The following RGS6 variants were observed in gnomAD, a reference collection of about 807,000 sequenced individuals.
RGS6 encodes regulator of G-protein signaling 6.
RGS6 carries 30 observed loss-of-function variants against 78.5 expected under a neutral mutation model. The observed-to-expected ratio is 0.38, with a 90% CI of 0.29 to 0.52. The LOEUF is 0.52. Among genes scored for constraint, RGS6 ranks in the 20% least tolerant of loss-of-function variants. The pLI, the probability that RGS6 is intolerant of heterozygous loss-of-function variation, is 0.85. For synonymous variants in RGS6, 206 were observed against 206.0 expected (o/e 1.00, Z 0.00); for missense variants, 495 against 609.7 (o/e 0.81, Z 1.98).
chr14:72,207,591 T>G lies in RGS6; in HGVS notation c.85-144504T>G, dbSNP rs138492289. Reference sequence around the variant, plus strand: ...CTCACTTTCCAGTTCATGTTTCCTCTGGCACATCTTTGGCCAACACCTTTA... The same window carrying G: ...CTCACTTTCCAGTTCATGTTTCCTCGGGCACATCTTTGGCCAACACCTTTA... On this transcript the variant is annotated intron_variant, in intron 2 of 17. Coordinates refer to ENST00000553525, the MANE Select transcript of RGS6 (RefSeq NM_001204424.2). Among the ~76,000 whole-genome samples the G allele has an allele frequency of 3.5e-3, 534 of 152,356 alleles. 4 individuals are homozygous for G. Among genetic ancestry groups the G allele is most frequent in the African/African-American group, 0.012 (519 of 41,586 alleles).
intron 2 of RGS6, among the ~76,000 whole-genome samples, chr14:72,012,320 G>A (rs1030820963): frequency 6.6e-6 from 1 of 152,072 alleles, no homozygotes; most frequent in African/African-American, 2.4e-5. Context: ...TATACACATA[G>A]ACATGATTTT....
At chr14:71,934,860 A>T (rs1488002820) in intron 1 of RGS6, among the ~76,000 whole-genome samples, 1 of 152,204 alleles carries the variant, frequency 6.6e-6, no homozygotes, top group African/African-American at 2.4e-5. Context: ...CTTTGCCAGG[A>T]ATTGCTGAAC....
chr14:71,925,080 T>C, the RGS6 span, among the ~76,000 whole-genome samples: 1 of 152,218 alleles, frequency 6.6e-6, no homozygotes, highest in African/African-American at 2.4e-5. Flanking sequence ...ACACTTGTTA[T>C]GTTTTGTCTT....
intron 2 of RGS6, among the ~76,000 whole-genome samples, chr14:71,970,010 T>C (rs2093712644): frequency 6.6e-6 from 1 of 152,214 alleles, no homozygotes; most frequent in Non-Finnish European, 1.5e-5. Flanking sequence ...AGTCAGGCAT[T>C]AGAATAAAAA....
intron 2 of RGS6, among the ~76,000 whole-genome samples, chr14:72,291,521 G>C (rs2063571356): frequency 6.6e-6 from 1 of 152,118 alleles, no homozygotes; most frequent in Non-Finnish European, 1.5e-5. Context: ...CTCTTCAAGG[G>C]CTTGATCTCT....
chr14:72,380,284 C>A (rs2085735528), intron 3 of RGS6, among the ~76,000 whole-genome samples: 1 of 151,944 alleles, frequency 6.6e-6, no homozygotes, highest in South Asian at 2.1e-4. Flanking sequence ...AATAAGACCC[C>A]ACTGGCACAG....
chr14:71,955,559 C>T (rs918324207), intron 1 of RGS6, among the ~76,000 whole-genome samples: 1 of 152,110 alleles, frequency 6.6e-6, no homozygotes, highest in African/African-American at 2.4e-5. Flanking sequence ...GTGGATTATT[C>T]TTGACTCCCC....
chr14:72,071,168 T>C lies in RGS6; in HGVS notation c.84+106293T>C, dbSNP rs1387704707. Among the ~76,000 whole-genome samples, 4 of 152,234 alleles carry C rather than the reference T, an allele frequency of 2.6e-5. No individual in the cohort carries two copies. In the East Asian group the frequency reaches 7.7e-4, roughly 29 times the overall value. On this transcript the variant is annotated intron_variant, in intron 2 of 17. Coordinates refer to ENST00000553525, the MANE Select transcript of RGS6 (RefSeq NM_001204424.2). ...AACATTATGTGAATTGAATAACTTA[T>C]GTAATCTTTTGCAATTTGGTTTCCC...
At chr14:72,415,299 A>G (rs1442528320) in intron 3 of RGS6, among the ~76,000 whole-genome samples, 1 of 149,198 alleles carries the variant, frequency 6.7e-6, no homozygotes, top group African/African-American at 2.6e-5. Context: ...CTGCTGTGCT[A>G]GCAATGAGCG....
At chr14:72,110,987 T>C (rs866690753) in intron 2 of RGS6, among the ~76,000 whole-genome samples, 1 of 152,192 alleles carries the variant, frequency 6.6e-6, no homozygotes, top group Non-Finnish European at 1.5e-5. Context: ...TCTTCTTTTG[T>C]GAGGTTACTT....
At chr14:72,359,226 G>A (rs1005103480) in intron 3 of RGS6, among the ~76,000 whole-genome samples, 2 of 152,056 alleles carry the variant, frequency 1.3e-5, no homozygotes, top group African/African-American at 4.8e-5. Context: ...CCGACTAATA[G>A]AGTAGAACAG....
intron 3 of RGS6, among the ~76,000 whole-genome samples, chr14:72,404,880 ATC>A (rs2092783345): frequency 6.6e-6 from 1 of 152,058 alleles, no homozygotes; most frequent in African/African-American, 2.4e-5. Context: ...ACGATGACAA[ATC>A]TCAGTTTCTC....
chr14:71,887,137 C>T, the RGS6 span, among the ~76,000 whole-genome samples: 7 of 152,244 alleles, frequency 4.6e-5, no homozygotes, highest in African/African-American at 1.4e-4. Context: ...ATTTCATGGA[C>T]GTTTATCAGT....
chr14:72,611,567 G>A, the RGS6 span, among the ~76,000 whole-genome samples: 1 of 152,080 alleles, frequency 6.6e-6, no homozygotes, highest in Admixed American at 6.6e-5. Flanking sequence ...CCACTGTGGG[G>A]GTCATTTTCT....
chr14:72,507,288 A>G (rs1415731776), intron 13 of RGS6, among the ~76,000 whole-genome samples: 26 of 152,232 alleles, frequency 1.7e-4, no homozygotes, highest in Admixed American at 1.7e-3. Context: ...GAATGCCAAC[A>G]TCAGAAGTTA....
At chr14:72,348,372 C>T (rs72724074) in intron 2 of RGS6, among the ~76,000 whole-genome samples, 21,981 of 151,968 alleles carry the variant, frequency 0.14, 1,548 homozygotes, top group East Asian at 0.19. Context: ...CTTTTATGAC[C>T]GGGAAATCAA....
At chr14:72,617,285 C>A in the RGS6 span, among the ~76,000 whole-genome samples, 1 of 152,084 alleles carries the variant, frequency 6.6e-6, no homozygotes, top group African/African-American at 2.4e-5. Context: ...ATTTGGGGAA[C>A]TTTTTTTTCT....
At chr14:71,913,072 C>T in the RGS6 span, among the ~76,000 whole-genome samples, 1 of 152,102 alleles carries the variant, frequency 6.6e-6, no homozygotes, top group Non-Finnish European at 1.5e-5. Flanking sequence ...CATGATCCAC[C>T]TGTCTCGGCC....
intron 2 of RGS6, among the ~76,000 whole-genome samples, chr14:72,073,544 A>G (rs536036589): frequency 6.6e-6 from 1 of 152,286 alleles, no homozygotes; most frequent in East Asian, 1.9e-4. Context: ...CCAGCCAAGG[A>G]CAGGACACCA....
Sources: gnomAD v4.1 joint callset for allele counts (sites outside exome capture counted in the v4.1 genomes callset) on GRCh38, gnomAD v4.1.1 for gene constraint, MANE v1.5 for transcripts, NCBI Gene and HGNC (gene_info 2026-07-23, HGNC 2026-07-21) for gene names.